Variants in TAFA2 observed in about 807,000 individuals in gnomAD.
TAFA2 encodes the protein TAFA chemokine like family member 2.
In TAFA2, 7 loss-of-function variants were observed where a neutral mutation model predicts 18.8. That is an observed-to-expected ratio of 0.37 (90% confidence interval 0.21 to 0.70). TAFA2 has a LOEUF of 0.70. Among genes scored for constraint, TAFA2 ranks in the 30% least tolerant of loss-of-function variants. TAFA2 has a pLI of 0.53. For missense variants in TAFA2, 122 were observed against 158.1 expected, an observed-to-expected ratio of 0.77 and a Z score of 1.23; for synonymous variants, 60 against 54.2, an observed-to-expected ratio of 1.11 and a Z score of -0.47.
chr12:61,799,654 C>T (rs1405173091), intron 2 of TAFA2, among the ~76,000 whole-genome samples: 1 of 152,076 alleles, frequency 6.6e-6, no homozygotes, highest in Admixed American at 6.6e-5. Flanking sequence ...AACCTCGTCT[C>T]TACTAAAAAT....
chr12:61,858,673 G>A (rs1350540035), intron 2 of TAFA2, among the ~76,000 whole-genome samples: 2 of 150,996 alleles, frequency 1.3e-5, no homozygotes, highest in African/African-American at 4.9e-5. Flanking sequence ...GTAAATACTC[G>A]TTATTTACTG....
chr12:62,092,193 A>C (rs1868743817), intron 1 of TAFA2, among the ~76,000 whole-genome samples: 1 of 151,880 alleles, frequency 6.6e-6, no homozygotes, highest in Non-Finnish European at 1.5e-5. Context: ...GCTCTTCTCC[A>C]CTGGCTCTTA....
chr12:62,195,613 T>G (rs2062645638), upstream of TAFA2, among the ~76,000 whole-genome samples: 1 of 152,220 alleles, frequency 6.6e-6, no homozygotes. Flanking sequence ...GATGACCAAA[T>G]GTATTGTCAA....
chr12:61,847,387 T>C (rs11174196), intron 2 of TAFA2, among the ~76,000 whole-genome samples: 4,114 of 152,222 alleles, frequency 0.027, 188 homozygotes, highest in African/African-American at 0.093. Flanking sequence ...TACATATTTG[T>C]TGAATGAATG....
intron 1 of TAFA2, among the ~76,000 whole-genome samples, chr12:62,050,060 T>C (rs1882011000): frequency 6.6e-6 from 1 of 152,208 alleles, no homozygotes; most frequent in African/African-American, 2.4e-5. Flanking sequence ...TGCTGGCTTA[T>C]TTGGGTGTAG....
chr12:62,225,688 A>G (rs928727530), intron 1 of TAFA2, among the ~76,000 whole-genome samples: 1 of 152,230 alleles, frequency 6.6e-6, no homozygotes, highest in African/African-American at 2.4e-5. Flanking sequence ...CATTTTATAG[A>G]AAAGGACATA....
At chr12:61,733,263 G>A (rs12322057) in intron 4 of TAFA2, among the ~76,000 whole-genome samples, 6,383 of 151,996 alleles carry the variant, frequency 0.042, 426 homozygotes, top group African/African-American at 0.14. Flanking sequence ...CTGTGCAGAA[G>A]CTCTTTAGTT....
intron 1 of TAFA2, among the ~76,000 whole-genome samples, chr12:61,926,459 C>CA (rs1035680665): frequency 3.0e-4 from 45 of 152,276 alleles, no homozygotes; most frequent in African/African-American, 1.1e-3. Context: ...AAAATACGGG[C>CA]AAACCAAATC....
At chr12:62,021,765 C>A in intron 1 of TAFA2, 3 of 1,187,982 alleles carry the variant, frequency 2.5e-6, no homozygotes, top group Non-Finnish European at 3.8e-6. Flanking sequence ...CACACCCTGT[C>A]TGAGCAACAC....
At chr12:62,073,127 G>C (rs576513311) in intron 1 of TAFA2, among the ~76,000 whole-genome samples, 3 of 152,286 alleles carry the variant, frequency 2.0e-5, no homozygotes, top group Non-Finnish European at 4.4e-5. Context: ...ATAGTATCAT[G>C]GAAAACAAAA....
At chr12:61,882,967 A>G (rs1161270287) in intron 1 of TAFA2, among the ~76,000 whole-genome samples, 3 of 152,216 alleles carry the variant, frequency 2.0e-5, no homozygotes, top group Admixed American at 6.5e-5. Context: ...TCTTAAAAAT[A>G]TATTATCTAC....
chr12:61,835,077 C>T (rs964038988), intron 2 of TAFA2, among the ~76,000 whole-genome samples: 2 of 149,088 alleles, frequency 1.3e-5, no homozygotes, highest in African/African-American at 4.9e-5. Flanking sequence ...AATCAATTTC[C>T]ACTCATTGCC....
Position 62,010,722 on chromosome 12 carries a change from C to T in TAFA2, c.-1-143296G>A, listed in dbSNP as rs563903371. Among the ~76,000 whole-genome samples, 426 of 149,492 alleles carry T rather than the reference C, an allele frequency of 2.8e-3. 3 individuals are homozygous for T. Among genetic ancestry groups the T allele is most frequent in the African/African-American group, 9.2e-3 (370 of 40,342 alleles). The stretch of plus-strand genomic sequence containing the variant: ...TGGGAAGTGGGCGCCTCTGCCCGGC[C>T]GCCCCGTCTGGGAGGTGAGGGGCGT... On this transcript the variant is annotated intron_variant, in intron 1 of 4. Transcript: ENST00000416284.
At chr12:62,107,204 A>G (rs536037698) in intron 1 of TAFA2, among the ~76,000 whole-genome samples, 338 of 96,880 alleles carry the variant, frequency 3.5e-3, no homozygotes, top group African/African-American at 0.012. Flanking sequence ...CCCGCCCCCC[A>G]ACCCACTCCC....
chr12:62,027,593 A>G (rs1881342532), intron 1 of TAFA2, among the ~76,000 whole-genome samples: 1 of 152,116 alleles, frequency 6.6e-6, no homozygotes, highest in Admixed American at 6.5e-5. Flanking sequence ...CAGAACATCA[A>G]AGTTGTCCTA....
At chr12:61,993,424 T>C (rs1880076402) in intron 1 of TAFA2, among the ~76,000 whole-genome samples, 1 of 152,206 alleles carries the variant, frequency 6.6e-6, no homozygotes, top group South Asian at 2.1e-4. Flanking sequence ...TTGGGGGCTT[T>C]ACTATAGAAC....
chr12:61,844,523 A>C (rs2121137634), intron 2 of TAFA2, among the ~76,000 whole-genome samples: 1 of 152,242 alleles, frequency 6.6e-6, no homozygotes, highest in East Asian at 1.9e-4. Flanking sequence ...TTAAGGTCTT[A>C]GTTATTTAGG....
chr12:62,058,402 A>G (rs1882242133), intron 1 of TAFA2, among the ~76,000 whole-genome samples: 1 of 152,200 alleles, frequency 6.6e-6, no homozygotes, highest in Admixed American at 6.5e-5. Flanking sequence ...TAGACTTTTC[A>G]CGTATTGTTT....
chr12:62,132,390 A>C (rs1249089956), intron 1 of TAFA2, among the ~76,000 whole-genome samples: 1 of 151,826 alleles, frequency 6.6e-6, no homozygotes, highest in Non-Finnish European at 1.5e-5. Flanking sequence ...ACCAGGCAAT[A>C]CAGGTATTGA....
Sources: gnomAD v4.1 joint callset for allele counts (sites outside exome capture counted in the v4.1 genomes callset) on GRCh38, gnomAD v4.1.1 for gene constraint, MANE v1.5 for transcripts, NCBI Gene and HGNC (gene_info 2026-07-23, HGNC 2026-07-21) for gene names.